ATOSA: variants seen among roughly 807,000 people sequenced by gnomAD.
The protein encoded by ATOSA is atos homolog A.
chr15:52,665,362 G>A, the ATOSA span, among the ~76,000 whole-genome samples: 9 of 152,174 alleles, frequency 5.9e-5, no homozygotes, highest in Admixed American at 3.9e-4. Flanking sequence ...CTATTTGTAC[G>A]TGAAGGAAAA....
At chr15:52,683,649 A>G in the ATOSA span, among the ~76,000 whole-genome samples, 2 of 152,220 alleles carry the variant, frequency 1.3e-5, no homozygotes, top group Non-Finnish European at 2.9e-5. Flanking sequence ...CAACATCCCT[A>G]TGAAATAGTA....
At chr15:52,667,826 A>C in the ATOSA span, among the ~76,000 whole-genome samples, 13,508 of 152,284 alleles carry the variant, frequency 0.089, 961 homozygotes, top group East Asian at 0.35. Context: ...ATTACTAATA[A>C]CCAGAGAAAT....
At chr15:52,647,241 TAA>T in the ATOSA span, among the ~76,000 whole-genome samples, 129,085 of 150,890 alleles carry the variant, frequency 0.86, 55,549 homozygotes, top group East Asian at 0.97. Flanking sequence ...TTAGTTTATG[TAA>T]AAAAAAAAAA....
the ATOSA span, among the ~76,000 whole-genome samples, chr15:52,680,187 T>G: frequency 6.6e-6 from 1 of 152,142 alleles, no homozygotes; most frequent in Non-Finnish European, 1.5e-5. Flanking sequence ...CATTTCATGT[T>G]GTGATGTTGT....
the ATOSA span, among the ~76,000 whole-genome samples, chr15:52,636,948 C>T: frequency 1.3e-5 from 2 of 152,072 alleles, no homozygotes; most frequent in Admixed American, 1.3e-4. Context: ...GTACTGTATT[C>T]CACTACCAAT....
At chr15:52,592,724 G>A in the ATOSA span, among the ~76,000 whole-genome samples, 1 of 152,184 alleles carries the variant, frequency 6.6e-6, no homozygotes, top group Non-Finnish European at 1.5e-5. Flanking sequence ...AATTTGTGTT[G>A]GGTTACATTC....
chr15:52,619,185 A>C, the ATOSA span, among the ~76,000 whole-genome samples: 95 of 152,342 alleles, frequency 6.2e-4, no homozygotes, highest in Non-Finnish European at 7.1e-4. Context: ...TCTAATTTTA[A>C]TAAACGAGAA....
the ATOSA span, among the ~76,000 whole-genome samples, chr15:52,644,017 C>A: frequency 1.3e-5 from 2 of 151,118 alleles, no homozygotes; most frequent in Non-Finnish European, 2.9e-5. Context: ...GTTTTAAAAT[C>A]TTTATAAAGT....
At chr15:52,603,790 T>C in the ATOSA span, among the ~76,000 whole-genome samples, 13 of 152,042 alleles carry the variant, frequency 8.6e-5, no homozygotes, top group Non-Finnish European at 1.8e-4. Context: ...TTTGAACTAA[T>C]GAAGATAAAG....
the ATOSA span, among the ~76,000 whole-genome samples, chr15:52,674,089 T>C: frequency 6.6e-6 from 1 of 152,238 alleles, no homozygotes; most frequent in African/African-American, 2.4e-5. Flanking sequence ...TAATTTATGA[T>C]TTATTTTATA....
At chr15:52,699,296 A>G in the ATOSA span, among the ~76,000 whole-genome samples, 1 of 152,074 alleles carries the variant, frequency 6.6e-6, no homozygotes, top group Admixed American at 6.6e-5. Flanking sequence ...TTCCTGTTTC[A>G]GTCAGGCAGG....
chr15:52,705,354 G>A, the ATOSA span, among the ~76,000 whole-genome samples: 14 of 152,138 alleles, frequency 9.2e-5, no homozygotes, highest in African/African-American at 3.4e-4. Context: ...GGGGCCTGTT[G>A]GGGAGTGGGG....
chr15:52,598,956 T>A, the ATOSA span, among the ~76,000 whole-genome samples: 3 of 152,164 alleles, frequency 2.0e-5, no homozygotes, highest in Non-Finnish European at 2.9e-5. Flanking sequence ...CACCATATGA[T>A]GTGCCTGCTC....
chr15:52,663,401 G>A, the ATOSA span, among the ~76,000 whole-genome samples: 1 of 151,910 alleles, frequency 6.6e-6, no homozygotes, highest in Non-Finnish European at 1.5e-5. Context: ...CTTCTTTCTT[G>A]GATTATATTT....
chr15:52,663,992 G>C, the ATOSA span, among the ~76,000 whole-genome samples: 1 of 152,126 alleles, frequency 6.6e-6, no homozygotes, highest in African/African-American at 2.4e-5. Context: ...TCATTGCAGA[G>C]CAAATTTGAA....
chr15:52,609,223 C>T, the ATOSA span: 17 of 1,611,656 alleles, frequency 1.1e-5, no homozygotes, highest in East Asian at 2.5e-4. Context: ...AGAAGTAAAA[C>T]ATTTATTAGG....
At chr15:52,704,660 GA>G in the ATOSA span, among the ~76,000 whole-genome samples, 1 of 151,674 alleles carries the variant, frequency 6.6e-6, no homozygotes, top group Non-Finnish European at 1.5e-5. Context: ...AAATTTACAA[GA>G]AAAAAACAAA....
the ATOSA span, among the ~76,000 whole-genome samples, chr15:52,704,073 A>G: frequency 1.3e-5 from 2 of 152,190 alleles, no homozygotes; most frequent in Non-Finnish European, 2.9e-5. Context: ...ACTTTGCACA[A>G]AAAGAAAAAT....
At chr15:52,587,060 G>C in the ATOSA span, 1 of 1,591,866 alleles carries the variant, frequency 6.3e-7, no homozygotes, top group African/African-American at 1.4e-5. Context: ...ACTTACCAAA[G>C]TTGTTGCAGC....
Sources: allele counts gnomAD v4.1 joint callset (sites outside exome capture counted in the v4.1 genomes callset), GRCh38; gene constraint gnomAD v4.1.1; transcripts MANE v1.5; gene names NCBI Gene and HGNC (gene_info 2026-07-23, HGNC 2026-07-21).